Variants in EFHD1 observed in about 807,000 individuals in gnomAD.
The protein encoded by EFHD1 is EF-hand domain family member D1.
EFHD1 carries 10 observed loss-of-function variants against 17.2 expected under a neutral mutation model. The observed-to-expected ratio is 0.58, with a 90% CI of 0.36 to 0.99. The LOEUF is 0.99. Among genes scored for constraint, EFHD1 ranks in the 50% least tolerant of loss-of-function variants. EFHD1 has a pLI of 0.01. For missense variants in EFHD1, 310 were observed against 327.5 expected (o/e 0.95, Z 0.41); for synonymous variants, 153 against 142.0 (o/e 1.08, Z -0.55).
chr2:232,631,394 G>A (rs965302027), upstream of EFHD1, among the ~76,000 whole-genome samples: 6 of 151,594 alleles, frequency 4.0e-5, no homozygotes, highest in East Asian at 1.9e-4. Flanking sequence ...TCCACCTCCC[G>A]GGCCCAAGTG....
intron 1 of EFHD1, among the ~76,000 whole-genome samples, chr2:232,656,167 T>C (rs945117062): frequency 1.3e-5 from 2 of 152,120 alleles, no homozygotes; most frequent in Non-Finnish European, 2.9e-5. Context: ...GCCCATGGCC[T>C]CCCTGAAGTG....
At chr2:232,651,576 C>T (rs551741071) in intron 1 of EFHD1, among the ~76,000 whole-genome samples, 1 of 152,240 alleles carries the variant, frequency 6.6e-6, no homozygotes, top group Non-Finnish European at 1.5e-5. Flanking sequence ...TCCCAGTTTC[C>T]TTCAGCCACA....
chr2:232,646,436 CTT>C (rs71398729), intron 1 of EFHD1, among the ~76,000 whole-genome samples: 408 of 67,078 alleles, frequency 6.1e-3, no homozygotes, highest in South Asian at 0.019. Flanking sequence ...CTCTTCTCTT[CTT>C]TTTTTTTTTT....
chr2:232,648,202 C>CA (rs2106202101), intron 1 of EFHD1, among the ~76,000 whole-genome samples: 1 of 152,244 alleles, frequency 6.6e-6, no homozygotes, highest in African/African-American at 2.4e-5. Context: ...GTATCACACT[C>CA]ACTGCAGTGA....
chr2:232,656,325 C>G (rs994627675), intron 1 of EFHD1, among the ~76,000 whole-genome samples: 8 of 152,278 alleles, frequency 5.3e-5, no homozygotes, highest in Non-Finnish European at 8.8e-5. Context: ...TGTAGGGTCC[C>G]AGTCCCCTGA....
chr2:232,648,383 C>T (rs377466588), intron 1 of EFHD1, among the ~76,000 whole-genome samples: 1 of 152,140 alleles, frequency 6.6e-6, no homozygotes, highest in East Asian at 1.9e-4. Flanking sequence ...GCAGCTAGAG[C>T]ATTGGGAGTG....
intron 1 of EFHD1, among the ~76,000 whole-genome samples, chr2:232,656,610 A>G (rs1354006373): frequency 2.0e-5 from 3 of 151,440 alleles, no homozygotes. Context: ...TAATTTTTTT[A>G]TATTTTTGAA....
chr2:232,642,548 G>A (rs1459770182), intron 1 of EFHD1, among the ~76,000 whole-genome samples: 1 of 152,058 alleles, frequency 6.6e-6, no homozygotes, highest in African/African-American at 2.4e-5. Context: ...TTTTCAAGGG[G>A]GTGTACAGCT....
intron 1 of EFHD1, among the ~76,000 whole-genome samples, chr2:232,612,734 CTTTTTTT>C (rs112158565): frequency 3.0e-5 from 4 of 133,578 alleles, no homozygotes; most frequent in Non-Finnish European, 6.4e-5. Context: ...TTTTTCTTTT[CTTTTTTT>C]TTTTTTTTTG....
chr2:232,675,326 A>G (rs879495121), intron 3 of EFHD1, among the ~76,000 whole-genome samples: 28 of 152,210 alleles, frequency 1.8e-4, no homozygotes, highest in Admixed American at 1.8e-3. Context: ...CCTTTGGCAC[A>G]CCATGGCACA....
upstream of EFHD1, among the ~76,000 whole-genome samples, chr2:232,631,262 T>TTCTCTC (rs372033136): frequency 6.7e-6 from 1 of 148,896 alleles, no homozygotes; most frequent in African/African-American, 2.5e-5. Flanking sequence ...CATGCAAAGT[T>TTCTCTC]TCTCTCTCTC....
rs1693834873 is a variant in EFHD1, at chr2:232,612,871, T to C, written c.14+6698T>C. ...CCTCAGCCTCCCAAGTAGGTGGGACTACAGGGATACACCACCACGTCCAGC... is the reference window on the plus strand; with the variant it reads ...CCTCAGCCTCCCAAGTAGGTGGGACCACAGGGATACACCACCACGTCCAGC... On this transcript the variant is annotated intron_variant, in intron 1 of 3. Transcript: ENST00000409613. 2.0e-5 allele frequency among the ~76,000 whole-genome samples: 3 copies of C among 151,766 alleles called. No individual in the cohort carries two copies. In the South Asian group the frequency reaches 6.3e-4, roughly 32 times the overall value.
intron 2 of EFHD1, among the ~76,000 whole-genome samples, chr2:232,671,676 G>A (rs945656851): frequency 2.0e-5 from 3 of 151,570 alleles, no homozygotes; most frequent in Non-Finnish European, 2.9e-5. Context: ...GCAGTGAGCC[G>A]AGATCGCACC....
At chr2:232,622,389 A>T (rs145845343) in intron 1 of EFHD1, among the ~76,000 whole-genome samples, 3,494 of 150,326 alleles carry the variant, frequency 0.023, 132 homozygotes, top group African/African-American at 0.08. Context: ...GAATTGCTTG[A>T]ACCTGGGAGG....
chr2:232,619,184 T>C (rs111269001), intron 1 of EFHD1, among the ~76,000 whole-genome samples: 5 of 133,050 alleles, frequency 3.8e-5, no homozygotes, highest in Admixed American at 2.6e-4. Flanking sequence ...AATAAATAAA[T>C]AAATAAACAA....
At chr2:232,675,336 A>G (rs535070723) in intron 3 of EFHD1, among the ~76,000 whole-genome samples, 2 of 152,298 alleles carry the variant, frequency 1.3e-5, no homozygotes, top group African/African-American at 4.8e-5. Flanking sequence ...ACCATGGCAC[A>G]TGTGGTCTAT....
At chr2:232,672,965 T>C (rs1287596436) in intron 3 of EFHD1, among the ~76,000 whole-genome samples, 1 of 152,204 alleles carries the variant, frequency 6.6e-6, no homozygotes, top group African/African-American at 2.4e-5. Context: ...CCCAGTGCTC[T>C]CATCTGACAG....
chr2:232,672,485 C>A (rs778910711), intron 3 of EFHD1, 42 bp downstream of exon 3: 1 of 1,547,240 alleles, frequency 6.5e-7, no homozygotes, highest in East Asian at 2.2e-5. Flanking sequence ...CCACTCCCAG[C>A]CTTCACGCTG....
chr2:232,655,364 C>T (rs1694742168), intron 1 of EFHD1, among the ~76,000 whole-genome samples: 1 of 152,194 alleles, frequency 6.6e-6, no homozygotes, highest in Non-Finnish European at 1.5e-5. Flanking sequence ...GCTGACTTGA[C>T]CAGAGAAGTG....
Sources: gnomAD v4.1 joint callset for allele counts (sites outside exome capture counted in the v4.1 genomes callset) on GRCh38, gnomAD v4.1.1 for gene constraint, MANE v1.5 for transcripts, NCBI Gene and HGNC (gene_info 2026-07-23, HGNC 2026-07-21) for gene names.